NOTCH2NLB: variants seen among roughly 807,000 people sequenced by gnomAD.
NOTCH2NLB encodes the protein notch homolog 2 N-terminal-like protein B.
In NOTCH2NLB, 1 loss-of-function variant was observed where a neutral mutation model predicts 14.8. The ratio of observed to expected loss-of-function variants is 0.07; its 90% CI spans 0.02 to 0.32. The LOEUF is 0.32. Ranked by LOEUF, NOTCH2NLB falls within the 10% of genes least tolerant of loss-of-function variation. The pLI is 1.00. For missense variants in NOTCH2NLB, 11 were observed against 155.0 expected (o/e 0.07, Z 4.93); for synonymous variants, 6 against 57.5 (o/e 0.10, Z 4.05).
rs1267485558 is a variant in NOTCH2NLB, at chr1:148,625,717, G to A, written c.78-9767C>T. On this transcript the variant is annotated intron_variant, in intron 2 of 4. Transcript: ENST00000593495. ...CTGAGCTCTAGAGGGGGGAGCTGTC[G>A]TTAAGGTAAATGAGGTAAGGGCAGG... Among the ~76,000 whole-genome samples the A allele has an allele frequency of 1.8e-3, 197 of 111,798 alleles. 20 individuals are homozygous for A. The highest frequency in any genetic ancestry group is 7.5e-3 in the African/African-American group (178 of 23,844). The allele number at this position is 111,798 out of a possible 152,430, so 73.3% of individuals were successfully genotyped here.
At chr1:148,638,416 C>T (rs1664265715) in intron 2 of NOTCH2NLB, among the ~76,000 whole-genome samples, 6 of 148,818 alleles carry the variant, frequency 4.0e-5, no homozygotes, top group Admixed American at 4.0e-4. Context: ...ACAAGAGTTG[C>T]ATAACAGAAT....
At chr1:148,680,735 TA>T (rs1272667563), upstream of NOTCH2NLB, among the ~76,000 whole-genome samples, 374 of 147,406 alleles carry the variant, frequency 2.5e-3, no homozygotes, top group African/African-American at 8.8e-3. Context: ...CATTTATGTA[TA>T]TTTTTTTCAA....
downstream of NOTCH2NLB, among the ~76,000 whole-genome samples, chr1:148,604,950 TACACACACACACAC>T (rs1186780760): frequency 4.3e-4 from 54 of 126,350 alleles, no homozygotes; most frequent in African/African-American, 9.8e-4. Flanking sequence ...CAACGCCATA[TACACACACACACAC>T]ACACACACAC....
downstream of NOTCH2NLB, among the ~76,000 whole-genome samples, chr1:148,603,838 CTT>C (rs1663425510): frequency 7.2e-6 from 1 of 139,062 alleles, no homozygotes; most frequent in South Asian, 2.3e-4. Flanking sequence ...TTAATTCCCT[CTT>C]GAGTCCTACA....
At chr1:148,649,737 C>A (rs1664453891) in intron 1 of NOTCH2NLB, among the ~76,000 whole-genome samples, 2 of 133,336 alleles carry the variant, frequency 1.5e-5, no homozygotes, top group Non-Finnish European at 1.6e-5. Flanking sequence ...TGGTCTGGAT[C>A]TCCTGACCTC....
chr1:148,628,036 T>C (rs1664027906), intron 2 of NOTCH2NLB, among the ~76,000 whole-genome samples: 1 of 119,896 alleles, frequency 8.3e-6, no homozygotes, highest in Non-Finnish European at 1.7e-5. Flanking sequence ...CTCACCCCTA[T>C]ATCAGTCAAA....
At position 148,636,925 on chromosome 1, in the gene NOTCH2NLB, A is replaced by AT. The variant is rs1331874629; in HGVS notation, c.77+3090dup. On this transcript the variant is annotated intron_variant, in intron 2 of 4. Transcript: ENST00000593495. ...TCTCCCAAAAGGATGGCCTCACCAAATTTTTTCTTTCTCTCAAGGAGTTTG... is the reference window on the plus strand; with the variant it reads ...TCTCCCAAAAGGATGGCCTCACCAAATTTTTTTCTTTCTCTCAAGGAGTTTG... 2.1e-5 allele frequency among the ~76,000 whole-genome samples: 3 copies of AT among 145,908 alleles called. 1 individual carries two copies. The highest frequency in any genetic ancestry group is 7.8e-5 in the African/African-American group (3 of 38,250).
intron 2 of NOTCH2NLB, among the ~76,000 whole-genome samples, chr1:148,638,604 A>T (rs1362448415): frequency 1.3e-5 from 2 of 149,366 alleles, no homozygotes; most frequent in Non-Finnish European, 3.0e-5. Context: ...AGCCCATAAT[A>T]AGCTACATAA....
upstream of NOTCH2NLB, among the ~76,000 whole-genome samples, chr1:148,680,928 A>AT (rs1664929670): frequency 1.3e-5 from 2 of 152,286 alleles, no homozygotes; most frequent in African/African-American, 4.8e-5. Flanking sequence ...TGGACATATC[A>AT]TTCCAGGAAA....
the NOTCH2NLB span, among the ~76,000 whole-genome samples, chr1:148,693,423 GAT>G: frequency 7.3e-6 from 1 of 136,472 alleles, no homozygotes; most frequent in Non-Finnish European, 1.6e-5. Flanking sequence ...CTGCAAGAAA[GAT>G]ATCTTTATCT....
At chr1:148,707,946 A>C in the NOTCH2NLB span, among the ~76,000 whole-genome samples, 2 of 70,102 alleles carry the variant, frequency 2.9e-5, no homozygotes, top group Non-Finnish European at 2.8e-5. Context: ...CCCCTTTTTC[A>C]TTCTCCTATT....
intron 2 of NOTCH2NLB, among the ~76,000 whole-genome samples, chr1:148,633,348 T>TA (rs1664150039): frequency 9.0e-6 from 1 of 110,794 alleles, no homozygotes; most frequent in African/African-American, 4.4e-5. Context: ...GGTCAGGAGA[T>TA]AGAGACCATC....
chr1:148,651,159 AAAAATAT>A (rs1251590648), intron 1 of NOTCH2NLB, among the ~76,000 whole-genome samples: 300 of 47,824 alleles, frequency 6.3e-3, no homozygotes, highest in African/African-American at 0.015. Context: ...AAAAAAAAAA[AAAAATAT>A]ATATATATAT....
At chr1:148,670,539 A>ATATATAT (rs1553341886) in intron 1 of NOTCH2NLB, among the ~76,000 whole-genome samples, 9 of 93,426 alleles carry the variant, frequency 9.6e-5, no homozygotes, top group African/African-American at 3.9e-4. Context: ...TAAAAAAAAA[A>ATATATAT]ATATATATAT....
At chr1:148,688,093 AACAAC>A in the NOTCH2NLB span, among the ~76,000 whole-genome samples, 4 of 119,162 alleles carry the variant, frequency 3.4e-5, no homozygotes, top group African/African-American at 1.2e-4. Context: ...TAACAACAAC[AACAAC>A]AAAAAAAAAA....
At chr1:148,613,437 T>C (rs1663753314) in intron 3 of NOTCH2NLB, among the ~76,000 whole-genome samples, 1 of 149,922 alleles carries the variant, frequency 6.7e-6, no homozygotes, top group African/African-American at 2.5e-5. Flanking sequence ...TTTGAGTCAG[T>C]GGGCTGGGGA....
intron 1 of NOTCH2NLB, among the ~76,000 whole-genome samples, chr1:148,649,606 G>T (rs1204771526): frequency 4.6e-5 from 7 of 151,104 alleles, no homozygotes; most frequent in Non-Finnish European, 8.8e-5. Context: ...CTCCTCCTGG[G>T]TTCACGCCAT....
At chr1:148,637,682 G>A (rs1327581139) in intron 2 of NOTCH2NLB, among the ~76,000 whole-genome samples, 7 of 142,648 alleles carry the variant, frequency 4.9e-5, no homozygotes, top group East Asian at 2.0e-4. Flanking sequence ...CTATCAACCC[G>A]TCATCCAGGT....
chr1:148,660,764 T>TA (rs1350158120), intron 1 of NOTCH2NLB, among the ~76,000 whole-genome samples: 1 of 113,024 alleles, frequency 8.8e-6, no homozygotes, highest in African/African-American at 3.6e-5. Context: ...CTAGAAAAGA[T>TA]ACTGAATATT....
Sources: allele counts gnomAD v4.1 joint callset (sites outside exome capture counted in the v4.1 genomes callset), GRCh38; gene constraint gnomAD v4.1.1; transcripts MANE v1.5; gene names NCBI Gene and HGNC (gene_info 2026-07-23, HGNC 2026-07-21).